Variants in SEC24C observed in about 807,000 individuals in gnomAD.
SEC24C encodes the protein SEC24 homolog C, COPII component.
A neutral mutation model predicts 117.0 loss-of-function variants in SEC24C; 22 were observed. The observed-to-expected ratio is 0.19, with a 90% CI of 0.13 to 0.27. The LOEUF (loss-of-function observed/expected upper bound fraction) is 0.27, where lower values mean the gene tolerates loss of function less well. SEC24C is among the 10% of genes least tolerant of loss of function. The pLI is 1.00. For missense variants in SEC24C, 1,155 were observed against 1,375.1 expected (o/e 0.84, Z 2.53); for synonymous variants, 506 against 529.4 (o/e 0.96, Z 0.61).
intron 8 of SEC24C, 62 bp from the exon 9 acceptor site, chr10:73,765,389 T>A: frequency 6.3e-7 from 1 of 1,576,346 alleles, no homozygotes; most frequent in Non-Finnish European, 8.7e-7. Context: ...TTCTTCCTCA[T>A]CTCCTGGCTG....
chr10:73,747,621 G>C (rs2082576729), intron 2 of SEC24C, among the ~76,000 whole-genome samples: 1 of 150,984 alleles, frequency 6.6e-6, no homozygotes. Flanking sequence ...CAAAGTGCTG[G>C]GATTATAGGC....
At chr10:73,747,094 A>G in intron 2 of SEC24C, 90 bp downstream of exon 2, 1 of 1,249,910 alleles carries the variant, frequency 8.0e-7, no homozygotes, top group African/African-American at 1.5e-5. Flanking sequence ...AAGCTACCTG[A>G]GAAGTTTGGA....
At chr10:73,760,527 A>G in intron 5 of SEC24C, 141 bp downstream of exon 5, 1 of 1,205,908 alleles carries the variant, frequency 8.3e-7, no homozygotes, top group Non-Finnish European at 1.1e-6. Flanking sequence ...TATTCCTAGG[A>G]TATGGGGTTT....
chr10:73,754,480 A>G (rs963315270), intron 3 of SEC24C, among the ~76,000 whole-genome samples: 1 of 152,158 alleles, frequency 6.6e-6, no homozygotes, highest in African/African-American at 2.4e-5. Context: ...ATCCAATTCT[A>G]TTGATTCCAC....
chr10:73,749,528 C>T (rs1318562163), intron 2 of SEC24C, among the ~76,000 whole-genome samples: 2 of 150,000 alleles, frequency 1.3e-5, no homozygotes, highest in African/African-American at 2.5e-5. Flanking sequence ...TTAACCTTAC[C>T]TTTTCTTTTT....
At chr10:73,762,015 T>G in intron 6 of SEC24C, 1 of 944,106 alleles carries the variant, frequency 1.1e-6, no homozygotes, top group Non-Finnish European at 1.5e-6. Context: ...CTCAACAGGG[T>G]TGAGAGAAGT....
At chr10:73,762,068 C>G in intron 6 of SEC24C, 1 of 1,279,880 alleles carries the variant, frequency 7.8e-7, no homozygotes, top group Non-Finnish European at 1.0e-6. Flanking sequence ...TTGTATTCCC[C>G]TGCTGCATTT....
At chr10:73,748,911 T>G (rs907905385) in intron 2 of SEC24C, among the ~76,000 whole-genome samples, 1 of 151,496 alleles carries the variant, frequency 6.6e-6, no homozygotes, top group Non-Finnish European at 1.5e-5. Flanking sequence ...CTGGCTAATT[T>G]TTTGTATTTT....
At chr10:73,765,622 G>A (rs1413403142) in intron 9 of SEC24C, 33 bp downstream of exon 9, 1 of 1,607,156 alleles carries the variant, frequency 6.2e-7, no homozygotes. Context: ...TTGGGGGAAG[G>A]TCTTGATTGT....
intron 3 of SEC24C, among the ~76,000 whole-genome samples, chr10:73,753,479 G>A (rs1227821176): frequency 6.6e-6 from 1 of 152,190 alleles, no homozygotes; most frequent in Non-Finnish European, 1.5e-5. Context: ...AGACCAGCCT[G>A]TGCAATATAG....
Position 73,765,803 on chromosome 10 carries a change from C to T in SEC24C, c.1370C>T (p.Pro457Leu). 3.7e-6 allele frequency: 6 copies of T among 1,613,172 alleles called. No homozygotes were observed. The highest frequency in any genetic ancestry group is 5.1e-6 in the Non-Finnish European group (6 of 1,179,234). The change falls in exon 10 of 23, where the codon CCC becomes CTC. Residue 457 changes from proline (P) to leucine (L), a missense_variant. Physicochemically the swap from Pro to Leu is moderately conservative, Grantham distance 98 (BLOSUM62 -3). Transcript: ENST00000345254. ...CACACTGCCATGCTTCCCACAGTTC[C>T]CCCCCAGTATTTTCAGCACCTGGAT... is the stretch of plus-strand genomic sequence containing the variant. ...CCFCSCINDVPPQYFQHLDHT... is the reference protein window; with the variant it reads ...CCFCSCINDVLPQYFQHLDHT...
intron 3 of SEC24C, among the ~76,000 whole-genome samples, chr10:73,759,118 C>T (rs761741231): frequency 3.3e-4 from 50 of 152,108 alleles, no homozygotes; most frequent in Non-Finnish European, 6.0e-4. Context: ...ATCAGCTGAG[C>T]CTGGAAAGTT....
Position 73,767,191 on chromosome 10 carries a change from G to C in SEC24C, c.2010+21G>C, listed in dbSNP as rs143549287. On this transcript the variant is annotated intron_variant, in intron 14 of 22. Transcript: ENST00000345254. ...AGAAGGTGTGGGACTGGAAAATGGG[G>C]GAGGGGAAGGATTTTTCATTACAGA... 1.0e-4 allele frequency: 155 copies of C among 1,512,774 alleles called. 2 individuals are homozygous for C. The East Asian group carries it at 3.4e-3, about 34-fold the overall frequency. 93.7% of individuals were successfully genotyped at this position (1,512,774 alleles called of 1,614,324 possible).
intron 2 of SEC24C, among the ~76,000 whole-genome samples, chr10:73,750,101 C>T (rs898029931): frequency 2.0e-5 from 3 of 152,162 alleles, no homozygotes; most frequent in African/African-American, 7.2e-5. Context: ...TTTGGAAGAA[C>T]CTTAATTCTA....
Position 73,769,181 on chromosome 10 carries a change from G to C in SEC24C, c.2424+29G>C. 6.2e-7 allele frequency: 1 copy of C among 1,612,112 alleles called. No individual in the cohort carries two copies. Among genetic ancestry groups the C allele is most frequent in the South Asian group, 1.1e-5 (1 of 90,792 alleles). On this transcript the variant is annotated intron_variant, in intron 17 of 22. Transcript: ENST00000345254. This position sits in a 1 kb window ranked among gnomAD's most constrained non-coding sequence, Gnocchi z 4.5. ...GCAGGCGGGAGGCGGGGCTGGGCAG[G>C]AAGTGTTTCATTCGCTTGGTATAGA...
intron 4 of SEC24C, 21 bp from the exon 5 acceptor site, chr10:73,759,997 T>C: frequency 6.5e-7 from 1 of 1,543,114 alleles, no homozygotes; most frequent in South Asian, 1.2e-5. Flanking sequence ...CTTTTGACTC[T>C]ACCTTTATTC....
intron 12 of SEC24C, 106 bp downstream of exon 12, chr10:73,766,647 G>A (rs1589527114): frequency 6.9e-7 from 1 of 1,445,390 alleles, no homozygotes; most frequent in East Asian, 2.3e-5. Flanking sequence ...AAGGGGTTGT[G>A]GCCCAGGAGT....
At chr10:73,750,717 TCTC>T (rs1159355159) in intron 2 of SEC24C, among the ~76,000 whole-genome samples, 1 of 152,194 alleles carries the variant, frequency 6.6e-6, no homozygotes, top group African/African-American at 2.4e-5. Context: ...ATCTTCTGAG[TCTC>T]CTTTTTCATA....
At chr10:73,756,563 T>C (rs1415953792) in intron 3 of SEC24C, among the ~76,000 whole-genome samples, 1 of 152,222 alleles carries the variant, frequency 6.6e-6, no homozygotes, top group East Asian at 1.9e-4. Flanking sequence ...AATTGTTCAC[T>C]TGAAGTGAAT....
Sources: gnomAD v4.1 joint callset for allele counts (sites outside exome capture counted in the v4.1 genomes callset) on GRCh38, gnomAD v4.1.1 for gene constraint, Gnocchi (gnomAD v3.1) non-coding constraint, MANE v1.5 for transcripts, NCBI Gene and HGNC (gene_info 2026-07-23, HGNC 2026-07-21) for gene names.